Variants in CTNND2 observed in about 807,000 individuals in gnomAD.
The protein encoded by CTNND2 is catenin delta 2.
A neutral mutation model predicts 144.4 loss-of-function variants in CTNND2; 22 were observed. The observed-to-expected ratio is 0.15, with a 90% CI of 0.11 to 0.22. The LOEUF is 0.22. Ranked by LOEUF, CTNND2 falls within the 10% of genes least tolerant of loss-of-function variation. The pLI is 1.00. For missense variants in CTNND2, 1,353 were observed against 1,618.8 expected (o/e 0.84, Z 2.82); for synonymous variants, 751 against 695.6 (o/e 1.08, Z -1.25).
intron 3 of CTNND2, among the ~76,000 whole-genome samples, chr5:11,503,897 T>A (rs1770758017): frequency 1.3e-5 from 2 of 152,212 alleles, no homozygotes; most frequent in South Asian, 4.1e-4. Flanking sequence ...TCCTTTCCTA[T>A]CTCTGATCTT....
At chr5:11,401,720 A>G (rs978614337) in intron 5 of CTNND2, among the ~76,000 whole-genome samples, 2 of 152,114 alleles carry the variant, frequency 1.3e-5, no homozygotes, top group African/African-American at 2.4e-5. Context: ...ATGTCGGGGG[A>G]ACTGAGGGAT....
intron 3 of CTNND2, among the ~76,000 whole-genome samples, chr5:11,466,431 T>C (rs951811326): frequency 8.5e-5 from 13 of 152,162 alleles, no homozygotes; most frequent in African/African-American, 3.1e-4. Context: ...TGATCCATTT[T>C]CTTTGAAAAA....
intron 9 of CTNND2, among the ~76,000 whole-genome samples, chr5:11,252,155 C>T (rs194487): frequency 0.37 from 56,159 of 152,044 alleles, 10,809 homozygotes; most frequent in African/African-American, 0.47. Flanking sequence ...CAAACTTGTA[C>T]GTGAACTTAA....
intron 3 of CTNND2, among the ~76,000 whole-genome samples, chr5:11,488,658 G>A (rs1322369164): frequency 2.0e-5 from 3 of 152,292 alleles, no homozygotes; most frequent in Non-Finnish European, 2.9e-5. Context: ...ATAATCAAAA[G>A]AGAGAAGAGT....
At chr5:11,710,746 A>T (rs1785977122) in intron 2 of CTNND2, among the ~76,000 whole-genome samples, 1 of 152,148 alleles carries the variant, frequency 6.6e-6, no homozygotes, top group Non-Finnish European at 1.5e-5. Context: ...CCTTCACAGC[A>T]GTTACAGCTG....
intron 12 of CTNND2, among the ~76,000 whole-genome samples, chr5:11,130,022 C>T (rs1755408535): frequency 6.6e-6 from 1 of 152,040 alleles, no homozygotes; most frequent in African/African-American, 2.4e-5. Context: ...AACAAGTTTC[C>T]CTAATTTTTT....
chr5:11,772,411 C>T (rs764575186), intron 1 of CTNND2, among the ~76,000 whole-genome samples: 5 of 152,056 alleles, frequency 3.3e-5, no homozygotes, highest in Admixed American at 6.5e-5. Flanking sequence ...TTTAGATAGG[C>T]GTTCTAACAT....
intron 7 of CTNND2, among the ~76,000 whole-genome samples, chr5:11,380,556 T>C (rs926623062): frequency 1.3e-5 from 2 of 152,174 alleles, no homozygotes; most frequent in African/African-American, 2.4e-5. Flanking sequence ...CTCTATATGA[T>C]AAAAAGCAGA....
intron 7 of CTNND2, among the ~76,000 whole-genome samples, chr5:11,381,061 G>C (rs1163027650): frequency 6.6e-6 from 1 of 152,084 alleles, no homozygotes; most frequent in African/African-American, 2.4e-5. Flanking sequence ...TGGCATCCTT[G>C]AGTTCTTTTT....
At chr5:11,382,595 C>CGTG (rs1480929474) in intron 7 of CTNND2, among the ~76,000 whole-genome samples, 2 of 130,234 alleles carry the variant, frequency 1.5e-5, no homozygotes, top group African/African-American at 6.0e-5. Flanking sequence ...GAGTGAGACT[C>CGTG]TGTGTGTGTG....
intron 1 of CTNND2, among the ~76,000 whole-genome samples, chr5:11,818,004 T>TTTTTTTTTTC (rs1554126308): frequency 7.5e-5 from 7 of 93,256 alleles, no homozygotes; most frequent in South Asian, 4.2e-4. Context: ...TTTTTTTTTT[T>TTTTTTTTTTC]CAGTTCTCCT....
intron 2 of CTNND2, among the ~76,000 whole-genome samples, chr5:11,569,809 C>T (rs1408043255): frequency 2.6e-5 from 4 of 152,098 alleles, no homozygotes; most frequent in Non-Finnish European, 4.4e-5. Flanking sequence ...GAAATGCTAT[C>T]CCTCAAGATG....
intron 2 of CTNND2, among the ~76,000 whole-genome samples, chr5:11,717,070 G>A: frequency 6.6e-6 from 1 of 151,480 alleles, no homozygotes; most frequent in East Asian, 2.0e-4. Flanking sequence ...GTTTCGCCAT[G>A]TTGGCCAGGC....
At chr5:11,216,720 C>T (rs1739238747) in intron 10 of CTNND2, among the ~76,000 whole-genome samples, 1 of 152,228 alleles carries the variant, frequency 6.6e-6, no homozygotes, top group Non-Finnish European at 1.5e-5. Context: ...AGTGCTCATA[C>T]ATAGGTGGAA....
At chr5:11,424,922 AG>A (rs1762658388) in intron 3 of CTNND2, among the ~76,000 whole-genome samples, 1 of 152,206 alleles carries the variant, frequency 6.6e-6, no homozygotes, top group Non-Finnish European at 1.5e-5. Flanking sequence ...GCCAGAGCTC[AG>A]GTGACCCTGC....
chr5:11,047,599 A>C (rs1471665858), intron 16 of CTNND2, among the ~76,000 whole-genome samples: 1 of 152,216 alleles, frequency 6.6e-6, no homozygotes, highest in Non-Finnish European at 1.5e-5. Flanking sequence ...ATAAAAACAT[A>C]GAAAGATCAG....
chr5:11,490,930 G>C lies in CTNND2; in HGVS notation c.287+74014C>G, dbSNP rs572034413. 2.6e-5 allele frequency among the ~76,000 whole-genome samples: 4 copies of C among 152,296 alleles called. No individual in the cohort carries two copies. The East Asian group carries it at 7.7e-4, about 29-fold the overall frequency. ...TTGAGCTCAGGAGGTTGAGGCTACA[G>C]CGAGACGTGATTACACCACCACAGT... On this transcript the variant is annotated intron_variant, in intron 3 of 21. Transcript: ENST00000304623.
At chr5:11,736,457 G>A (rs1319948001) in intron 1 of CTNND2, among the ~76,000 whole-genome samples, 1 of 152,138 alleles carries the variant, frequency 6.6e-6, no homozygotes, top group African/African-American at 2.4e-5. Context: ...TAATTTCCAT[G>A]ATTCATAATT....
At chr5:11,818,135 CT>C (rs1395289250) in intron 1 of CTNND2, among the ~76,000 whole-genome samples, 1 of 151,668 alleles carries the variant, frequency 6.6e-6, no homozygotes, top group East Asian at 1.9e-4. Flanking sequence ...CATTAATAAT[CT>C]TGAAAAATTA....
Sources: gnomAD v4.1 joint callset for allele counts (sites outside exome capture counted in the v4.1 genomes callset) on GRCh38, gnomAD v4.1.1 for gene constraint, MANE v1.5 for transcripts, NCBI Gene and HGNC (gene_info 2026-07-23, HGNC 2026-07-21) for gene names.